Variants in BICD1 observed in about 807,000 individuals in gnomAD.
BICD1 encodes the protein BICD cargo adaptor 1.
A neutral mutation model predicts 92.5 loss-of-function variants in BICD1; 35 were observed. The observed-to-expected ratio is 0.38, with a 90% CI of 0.29 to 0.50. BICD1 has a LOEUF of 0.50. BICD1 is among the 20% of genes least tolerant of loss of function. BICD1 has a pLI of 0.93. For synonymous variants in BICD1, 429 were observed against 465.1 expected, an observed-to-expected ratio of 0.92 and a Z score of 1.00; for missense variants, 950 against 1,189.8, an observed-to-expected ratio of 0.80 and a Z score of 2.97.
intron 2 of BICD1, among the ~76,000 whole-genome samples, chr12:32,253,889 T>TCATAATCACTGCCAAATCCCACCTGC (rs1946636868): frequency 2.6e-5 from 2 of 78,240 alleles, no homozygotes; most frequent in South Asian, 8.9e-4. Context: ...ATCCCACCTG[T>TCATAATCACTGCCAAATCCCACCTGC]CATAATCACT....
intron 8 of BICD1, among the ~76,000 whole-genome samples, chr12:32,343,355 CCCTCTTCCT>C (rs2136290172): frequency 6.6e-6 from 1 of 152,020 alleles, no homozygotes; most frequent in South Asian, 2.1e-4. Context: ...CTCCTCCGTC[CCCTCTTCCT>C]CCTCCTCCTC....
intron 2 of BICD1, among the ~76,000 whole-genome samples, chr12:32,218,532 C>T (rs1186777406): frequency 6.6e-6 from 1 of 152,200 alleles, no homozygotes; most frequent in Non-Finnish European, 1.5e-5. Context: ...GGAAGGCTCA[C>T]AATTGGGACA....
chr12:32,228,090 A>G (rs949719617), intron 2 of BICD1: 1 of 226,048 alleles, frequency 4.4e-6, no homozygotes, highest in African/African-American at 2.3e-5. Context: ...GACGTAGGAC[A>G]TTAGGATGTT....
intron 5 of BICD1, among the ~76,000 whole-genome samples, chr12:32,331,716 AT>A (rs1170031193): frequency 6.6e-6 from 1 of 152,192 alleles, no homozygotes; most frequent in Non-Finnish European, 1.5e-5. Context: ...AAGGTTTCAG[AT>A]TTTGAAGCAT....
chr12:32,167,603 A>T (rs1943804756), intron 1 of BICD1, among the ~76,000 whole-genome samples: 1 of 152,108 alleles, frequency 6.6e-6, no homozygotes, highest in Admixed American at 6.5e-5. Flanking sequence ...CTACAGGCGC[A>T]TGCCACCATG....
At chr12:32,200,527 T>G (rs1944876398) in intron 1 of BICD1, among the ~76,000 whole-genome samples, 1 of 152,188 alleles carries the variant, frequency 6.6e-6, no homozygotes, top group African/African-American at 2.4e-5. Flanking sequence ...AATTCTGCAG[T>G]AGATAGTATG....
chr12:32,297,972 A>T (rs1024699901), intron 3 of BICD1, among the ~76,000 whole-genome samples: 1 of 151,820 alleles, frequency 6.6e-6, no homozygotes, highest in Non-Finnish European at 1.5e-5. Context: ...ACTTGAGTCC[A>T]AAAGTTTGAG....
chr12:32,270,119 T>TTTTTTTTTTTTTTTTTTTTTTTTTTG (rs1177826245), intron 2 of BICD1, among the ~76,000 whole-genome samples: 3 of 129,088 alleles, frequency 2.3e-5, no homozygotes, highest in African/African-American at 9.5e-5. Context: ...AGACTCCCTC[T>TTTTTTTTTTTTTTTTTTTTTTTTTTG]AAAAAAAAAA....
chr12:32,311,028 G>A (rs994284525), intron 4 of BICD1, among the ~76,000 whole-genome samples: 5 of 152,070 alleles, frequency 3.3e-5, no homozygotes, highest in Non-Finnish European at 5.9e-5. Context: ...CTCTGTCGAC[G>A]AAGCAAGTCA....
chr12:32,212,280 T>C lies in BICD1; in HGVS notation c.214-3967T>C, dbSNP rs555049993. Among the ~76,000 whole-genome samples, 4 of 152,370 alleles carry C rather than the reference T, an allele frequency of 2.6e-5. No homozygotes were observed. In the South Asian group the frequency reaches 8.3e-4, roughly 32 times the overall value. On this transcript the variant is annotated intron_variant, in intron 1 of 9. Transcript: ENST00000652176. Reference sequence around the variant, plus strand: ...TAGGGAGGAGTACCAGCTTGTTTTTTATAAGTTGTTTCTTACAATGATTAA... The same window carrying C: ...TAGGGAGGAGTACCAGCTTGTTTTTCATAAGTTGTTTCTTACAATGATTAA...
chr12:32,294,853 G>A (rs1431076113), intron 3 of BICD1, among the ~76,000 whole-genome samples: 1 of 151,788 alleles, frequency 6.6e-6, no homozygotes, highest in African/African-American at 2.4e-5. Context: ...AGGCCGAGGC[G>A]GGTGGATCAC....
chr12:32,369,339 C>T (rs1227449669), intron 9 of BICD1, among the ~76,000 whole-genome samples: 1 of 152,246 alleles, frequency 6.6e-6, no homozygotes, highest in Non-Finnish European at 1.5e-5. Flanking sequence ...ATCATCTGCT[C>T]AGTGTTCTCT....
At chr12:32,132,386 A>G (rs1328868538) in intron 1 of BICD1, among the ~76,000 whole-genome samples, 2 of 149,238 alleles carry the variant, frequency 1.3e-5, no homozygotes, top group Admixed American at 6.7e-5. Context: ...ACTGCACTGC[A>G]GCCTAGGCGA....
At chr12:32,170,781 G>A (rs1426129588) in intron 1 of BICD1, among the ~76,000 whole-genome samples, 1 of 152,134 alleles carries the variant, frequency 6.6e-6, no homozygotes, top group South Asian at 2.1e-4. Context: ...GTTATTTCCG[G>A]AGATATTTTT....
At position 32,381,561 on chromosome 12, in the gene BICD1, C is replaced by T. The variant is rs369766833; in HGVS notation, c.*3934C>T. The stretch of plus-strand genomic sequence containing the variant: ...CTCTACATGTCTCAAATGGAGATCA[C>T]AAAACATGAAAAGGAAGAAATGAAA... On this transcript the variant is annotated 3_prime_UTR_variant, in exon 10 of 10. Transcript: ENST00000652176. 35 of 152,112 alleles carry T rather than the reference C, an allele frequency of 2.3e-4. No individual in the cohort carries two copies. The highest frequency in any genetic ancestry group is 8.4e-4 in the African/African-American group (35 of 41,512). The allele number at this position is 152,112 out of a possible 1,614,324, so 9.4% of individuals were successfully genotyped here. A position where few individuals can be genotyped will look rare whatever the true frequency, so the allele number is the denominator to read the frequency against.
Position 32,106,889 on chromosome 12 carries a change from G to T in BICD1, c.-443G>T. The T allele has an allele frequency of 1.9e-5, 2 of 107,320 alleles. No homozygotes were observed. The highest frequency in any genetic ancestry group is 2.0e-4 in the South Asian group (1 of 4,914). 6.6% of individuals were successfully genotyped at this position (107,320 alleles called of 1,614,324 possible). Reference sequence around the variant, plus strand: ...GCTGCAGGGCCAGAGGGAGCAGGTGGAGCGAGAGAGCGAGCCGCGAGCCGG... The same window carrying T: ...GCTGCAGGGCCAGAGGGAGCAGGTGTAGCGAGAGAGCGAGCCGCGAGCCGG... On this transcript the variant is annotated 5_prime_UTR_variant, in exon 1 of 10. Coordinates refer to ENST00000652176, the MANE Select transcript of BICD1 (RefSeq NM_001714.4).
intron 1 of BICD1, among the ~76,000 whole-genome samples, chr12:32,132,415 C>A (rs374771925): frequency 0.012 from 1,312 of 108,400 alleles, no homozygotes; most frequent in African/African-American, 0.021. Flanking sequence ...GACTCTGTCT[C>A]AAAAAAAAAA....
chr12:32,215,765 A>T (rs1050897516), intron 1 of BICD1, among the ~76,000 whole-genome samples: 2 of 149,028 alleles, frequency 1.3e-5, no homozygotes, highest in Non-Finnish European at 3.0e-5. Context: ...CTGGCTAACA[A>T]GGTGAAACCC....
intron 2 of BICD1, among the ~76,000 whole-genome samples, chr12:32,235,346 G>A (rs539970754): frequency 1.3e-5 from 2 of 152,148 alleles, no homozygotes; most frequent in Non-Finnish European, 2.9e-5. Context: ...ATGAAACTAG[G>A]CCTGAAGAGG....
Sources: allele counts gnomAD v4.1 joint callset (sites outside exome capture counted in the v4.1 genomes callset), GRCh38; gene constraint gnomAD v4.1.1; transcripts MANE v1.5; gene names NCBI Gene and HGNC (gene_info 2026-07-23, HGNC 2026-07-21).